Variants in UNC13C observed in about 807,000 individuals in gnomAD.
UNC13C encodes the protein unc-13 homolog C, also known as protein unc-13 homolog C.
In UNC13C, 174 loss-of-function variants were observed where a neutral mutation model predicts 245.4. The observed-to-expected ratio is 0.71, with a 90% CI of 0.63 to 0.80. The LOEUF is 0.80. UNC13C is among the 30% of genes least tolerant of loss of function. The probability of loss-of-function intolerance (pLI) is 0.00; values close to 1 mark genes in which losing one functional copy is unlikely to be tolerated. For synonymous variants in UNC13C, 992 were observed against 895.1 expected, an observed-to-expected ratio of 1.11 and a Z score of -1.93; for missense variants, 2,829 against 2,602.9, an observed-to-expected ratio of 1.09 and a Z score of -1.89.
At chr15:54,015,972 G>A in intron 2 of UNC13C, 86 bp downstream of exon 2, 1 of 1,181,980 alleles carries the variant, frequency 8.5e-7, no homozygotes, top group Non-Finnish European at 1.2e-6. Context: ...GTGTTTACTT[G>A]GGTGAAAGAG....
rs2038231526 is a variant in UNC13C at position 54,323,998 on chromosome 15, T to C, written c.4425+1903T>C. ...GTTGACCCAAAGAAGAGACAGCAGA[T>C]TGATTTCAGTACATTTTAGTATTTC... On this transcript the variant is annotated intron_variant, in intron 14 of 32. Coordinates refer to ENST00000260323, the MANE Select transcript of UNC13C (RefSeq NM_001080534.3). Among the ~76,000 whole-genome samples the C allele has an allele frequency of 3.3e-5, 5 of 152,168 alleles. No individual in the cohort carries two copies. The South Asian group carries it at 1.0e-3, about 32-fold the overall frequency.
upstream of UNC13C, among the ~76,000 whole-genome samples, chr15:53,976,541 G>A (rs1893713308): frequency 8.1e-6 from 1 of 123,924 alleles, no homozygotes; most frequent in African/African-American, 3.0e-5. Flanking sequence ...GCGCGATCTT[G>A]GCTCACTACA....
chr15:54,374,333 C>A (rs931101359), intron 17 of UNC13C, among the ~76,000 whole-genome samples: 1 of 152,150 alleles, frequency 6.6e-6, no homozygotes, highest in Admixed American at 6.5e-5. Context: ...GGTGCCCAGG[C>A]TGTTTGTACT....
chr15:54,401,589 A>G (rs2040185380), intron 18 of UNC13C, among the ~76,000 whole-genome samples: 1 of 152,216 alleles, frequency 6.6e-6, no homozygotes, highest in Non-Finnish European at 1.5e-5. Flanking sequence ...GTCAGAATGA[A>G]GTATAAACAG....
chr15:54,435,589 G>T (rs1460381574), intron 19 of UNC13C, among the ~76,000 whole-genome samples: 2 of 150,610 alleles, frequency 1.3e-5, no homozygotes, highest in South Asian at 2.1e-4. Flanking sequence ...GGGTGGGGGT[G>T]GGGGACTAGG....
At chr15:54,311,852 A>C (rs1304220584) in intron 13 of UNC13C, among the ~76,000 whole-genome samples, 1 of 151,828 alleles carries the variant, frequency 6.6e-6, no homozygotes, top group East Asian at 1.9e-4. Context: ...TGCATGATGT[A>C]CTTTAAAGTT....
At chr15:54,291,571 C>T (rs116072197) in intron 10 of UNC13C, among the ~76,000 whole-genome samples, 1,898 of 151,994 alleles carry the variant, frequency 0.012, 39 homozygotes, top group African/African-American at 0.043. Context: ...GGAATAATGG[C>T]GTCTTATAGC....
intron 2 of UNC13C, among the ~76,000 whole-genome samples, chr15:54,042,725 T>C (rs537768743): frequency 2.2e-3 from 336 of 152,116 alleles, no homozygotes; most frequent in Non-Finnish European, 3.8e-3. Flanking sequence ...TGGTGGTGGG[T>C]GCCTGTGGTA....
chr15:54,334,994 G>A (rs574965171), intron 16 of UNC13C, among the ~76,000 whole-genome samples: 3 of 152,098 alleles, frequency 2.0e-5, no homozygotes, highest in Admixed American at 6.5e-5. Context: ...AAAAAAATAG[G>A]AGGAAAGAAA....
chr15:54,162,569 C>A (rs1264866969), intron 4 of UNC13C, among the ~76,000 whole-genome samples: 1 of 152,182 alleles, frequency 6.6e-6, no homozygotes, highest in African/African-American at 2.4e-5. Context: ...AAACCAGAGT[C>A]CTGCTTTTAC....
intron 10 of UNC13C, among the ~76,000 whole-genome samples, chr15:54,283,852 G>A (rs2140921080): frequency 6.6e-6 from 1 of 152,194 alleles, no homozygotes; most frequent in South Asian, 2.1e-4. Flanking sequence ...CTAGTGAGTG[G>A]CTCCAATGGA....
intron 24 of UNC13C, 116 bp from the exon 25 acceptor site, chr15:54,525,429 AAGAG>A: frequency 1.8e-6 from 1 of 560,916 alleles, no homozygotes; most frequent in Non-Finnish European, 2.9e-6. Flanking sequence ...AAAAAAAAAG[AAGAG>A]AAAAAAGCTT....
chr15:54,442,250 CTT>C (rs35414078), intron 19 of UNC13C, among the ~76,000 whole-genome samples: 17 of 127,378 alleles, frequency 1.3e-4, no homozygotes, highest in Admixed American at 1.6e-4. Context: ...TGTTCCAGTT[CTT>C]TTTTTTTTTT....
intron 25 of UNC13C, among the ~76,000 whole-genome samples, chr15:54,525,969 G>A (rs754026688): frequency 6.6e-6 from 1 of 152,108 alleles, no homozygotes; most frequent in Non-Finnish European, 1.5e-5. Context: ...TGGGTGACTG[G>A]CTATTGAAAG....
At chr15:54,615,723 C>CTG (rs768365096) in intron 30 of UNC13C, among the ~76,000 whole-genome samples, 3 of 151,952 alleles carry the variant, frequency 2.0e-5, no homozygotes, top group Non-Finnish European at 2.9e-5. Flanking sequence ...TCCCCAACTG[C>CTG]TGTGTGTTTC....
chr15:54,390,455 C>T lies in UNC13C; in HGVS notation c.4714-2593C>T, dbSNP rs182472351. 6.5e-3 allele frequency among the ~76,000 whole-genome samples: 993 copies of T among 152,122 alleles called. 21 individuals are homozygous for T. Among genetic ancestry groups the T allele is most frequent in the Admixed American group, 0.041 (620 of 15,266 alleles). On this transcript the variant is annotated intron_variant, in intron 17 of 32. Transcript: ENST00000260323. ...TTCAAAAAATTACCTCCCCATTATA[C>T]CCTTACAGATTTTCTGTAAAGTCTG...
the UNC13C span, among the ~76,000 whole-genome samples, chr15:53,964,320 A>G: frequency 1.3e-5 from 2 of 152,196 alleles, no homozygotes; most frequent in East Asian, 3.9e-4. Flanking sequence ...AGTTGGTATG[A>G]TTGATCTGTC....
chr15:54,072,759 G>A (rs1038206347), intron 2 of UNC13C, among the ~76,000 whole-genome samples: 5 of 152,046 alleles, frequency 3.3e-5, no homozygotes, highest in African/African-American at 1.2e-4. Flanking sequence ...ATAATGATCT[G>A]AATAAAAGAA....
chr15:54,379,918 T>C (rs2039685887), intron 17 of UNC13C, among the ~76,000 whole-genome samples: 1 of 152,202 alleles, frequency 6.6e-6, no homozygotes, highest in South Asian at 2.1e-4. Context: ...GAAGGATATA[T>C]ACATTGTGAA....
Sources: allele counts gnomAD v4.1 joint callset (sites outside exome capture counted in the v4.1 genomes callset), GRCh38; gene constraint gnomAD v4.1.1; transcripts MANE v1.5; gene names NCBI Gene and HGNC (gene_info 2026-07-23, HGNC 2026-07-21).